ZNF577: variants seen among roughly 807,000 people sequenced by gnomAD.
The protein encoded by ZNF577 is zinc finger protein 577.
A neutral mutation model predicts 13.9 loss-of-function variants in ZNF577; 14 were observed. The ratio of observed to expected loss-of-function variants is 1.00; its 90% CI spans 0.66 to 1.57. The LOEUF is 1.57. ZNF577 is among the 40% of genes most tolerant of loss of function. The pLI, the probability that ZNF577 is intolerant of heterozygous loss-of-function variation, is 0.00. For missense variants in ZNF577, 555 were observed against 579.2 expected, an observed-to-expected ratio of 0.96 and a Z score of 0.43; for synonymous variants, 203 against 202.9, an observed-to-expected ratio of 1.00 and a Z score of 0.00.
downstream of ZNF577, among the ~76,000 whole-genome samples, chr19:51,866,248 GAC>G (rs374970376): frequency 0.012 from 1,896 of 152,160 alleles, 40 homozygotes; most frequent in African/African-American, 0.044. Flanking sequence ...TTCTGGAACT[GAC>G]ACACTTTCAG....
At chr19:51,841,445 A>G (rs187611721) in intron 8 of ZNF577, among the ~76,000 whole-genome samples, 27 of 152,324 alleles carry the variant, frequency 1.8e-4, no homozygotes, top group Admixed American at 9.8e-4. Flanking sequence ...ATGGCCAGAA[A>G]ACAGAGAAAA....
chr19:51,810,427 C>CATG (rs1413069667), intron 10 of ZNF577, among the ~76,000 whole-genome samples: 1 of 152,160 alleles, frequency 6.6e-6, no homozygotes, highest in Non-Finnish European at 1.5e-5. Flanking sequence ...GTGACCCTTG[C>CATG]ATATGTAAAA....
At position 51,873,190 on chromosome 19, in the gene ZNF577, T is replaced by C. The variant is rs201858250; in HGVS notation, c.800A>G (p.Glu267Gly). ...ACACACACTGCACCCATAGAGTTTC[T>C]CTCCAGTATGTGATCGCTGATGTCT... ...LNRHQRSHTGEKLYGCSVCGK... is the reference protein window; with the variant it reads ...LNRHQRSHTGGKLYGCSVCGK... Residue 267 changes from glutamate to glycine, a missense_variant, in exon 6 of 6, where the codon GAG becomes GGG. Glu to Gly is a moderately conservative substitution (Grantham distance 98, BLOSUM62 -2). Transcript: ENST00000638348. 1.3e-5 allele frequency: 21 copies of C among 1,614,072 alleles called. No homozygotes were observed. In the Admixed American group the frequency reaches 3.2e-4, roughly 24 times the overall value.
At chr19:51,848,276 CT>C (rs2084364064) in intron 5 of ZNF577, among the ~76,000 whole-genome samples, 1 of 152,154 alleles carries the variant, frequency 6.6e-6, no homozygotes, top group Admixed American at 6.5e-5. Context: ...CTGCCTCGTT[CT>C]TCTAAACCAC....
rs546946932 is a variant in ZNF577 at position 51,821,621 on chromosome 19, G to GA, written c.*600-9948dup. ...GAAGGAAGAGAGAAAGGGAAAGGAG[G>GA]AAAAAACCATGATACTAGGGTATGA... On this transcript the variant is annotated intron_variant and NMD_transcript_variant, in intron 9 of 10. Transcript: ENST00000638827. 1.6e-4 allele frequency among the ~76,000 whole-genome samples: 25 copies of GA among 152,066 alleles called. No individual in the cohort carries two copies. In the East Asian group the frequency reaches 4.6e-3, roughly 28 times the overall value.
intron 9 of ZNF577, among the ~76,000 whole-genome samples, chr19:51,815,780 G>A (rs1302831956): frequency 2.0e-5 from 3 of 151,112 alleles, no homozygotes; most frequent in Non-Finnish European, 4.4e-5. Context: ...AGAATCCCTT[G>A]AGCCCAGGGA....
chr19:51,821,503 T>C (rs2084189382), intron 9 of ZNF577, among the ~76,000 whole-genome samples: 1 of 152,118 alleles, frequency 6.6e-6, no homozygotes, highest in African/African-American at 2.4e-5. Flanking sequence ...GCCCCAATTG[T>C]CTGTAGTGCC....
chr19:51,885,721 A>G (rs1043545911), intron 1 of ZNF577, among the ~76,000 whole-genome samples: 2 of 152,084 alleles, frequency 1.3e-5, no homozygotes, highest in South Asian at 4.1e-4. Context: ...TGTTGGCCAG[A>G]TGTCTCGAAC....
intron 5 of ZNF577, among the ~76,000 whole-genome samples, chr19:51,875,805 A>C (rs909588768): frequency 3.9e-5 from 6 of 152,240 alleles, no homozygotes; most frequent in African/African-American, 1.4e-4. Flanking sequence ...GAAAAAGAGA[A>C]GTCAGTCAAA....
At chr19:51,844,470 T>C (rs1428887490) in intron 6 of ZNF577, among the ~76,000 whole-genome samples, 2 of 152,208 alleles carry the variant, frequency 1.3e-5, no homozygotes, top group Admixed American at 6.5e-5. Flanking sequence ...TCTTGTAACT[T>C]TTAAAAATTC....
At chr19:51,827,227 C>A (rs943363455) in intron 9 of ZNF577, among the ~76,000 whole-genome samples, 2 of 152,172 alleles carry the variant, frequency 1.3e-5, no homozygotes, top group African/African-American at 4.8e-5. Context: ...AAACTAAATT[C>A]TTCCCCAGTT....
At position 51,870,067 on chromosome 19, in the gene ZNF577, T is replaced by C. The variant is rs144011863; in HGVS notation, c.*2465A>G. Among the ~76,000 whole-genome samples the C allele has an allele frequency of 9.7e-3, 1,481 of 152,332 alleles. 13 individuals are homozygous for C. Among genetic ancestry groups the C allele is most frequent in the Middle Eastern group, 0.024 (7 of 294 alleles). ...GGGAGGATTAACATCCTAGGGGCAT[T>C]GGGTCCAGTGCGTAGACTGAGCTTC... On this transcript the variant is annotated 3_prime_UTR_variant, in exon 6 of 6. Transcript: ENST00000638348.
intron 3 of ZNF577, among the ~76,000 whole-genome samples, chr19:51,879,050 G>A (rs1173648267): frequency 3.9e-5 from 6 of 152,056 alleles, no homozygotes; most frequent in African/African-American, 1.2e-4. Flanking sequence ...AAAGTCGGGA[G>A]ATTAAGACTA....
rs768421805 is a variant in ZNF577, at chr19:51,873,232, C to T, written c.758G>A (p.Arg253Gln). Residue 253 changes from arginine (R) to glutamine (Q), a missense_variant, in exon 6 of 6, where the codon CGG (arginine) becomes CAG (glutamine). Coordinates refer to ENST00000638348, the MANE Select transcript of ZNF577 (RefSeq NM_001370449.1). ...RCSKCGKAFS[R>Q]KCRLNRHQRS... is the part of the protein sequence containing the mutation. ...CTGATGTCTATTGAGCCGGCACTTC[C>T]GGCTGAAGGCTTTTCCGCATTTGCT... is the stretch of plus-strand genomic sequence containing the variant. 1.4e-5 allele frequency: 23 copies of T among 1,613,766 alleles called. No homozygotes were observed. The Admixed American group carries it at 2.0e-4, about 14-fold the overall frequency.
At chr19:51,812,300 G>A (rs2084102817) in intron 9 of ZNF577, among the ~76,000 whole-genome samples, 1 of 152,088 alleles carries the variant, frequency 6.6e-6, no homozygotes, top group Non-Finnish European at 1.5e-5. Context: ...TAATAAAAGG[G>A]TGACTATCCA....
chr19:51,855,986 A>G (rs2122578440), intron 5 of ZNF577: 1 of 152,304 alleles, frequency 6.6e-6, no homozygotes, highest in South Asian at 2.1e-4. Flanking sequence ...AGGGATATAG[A>G]AGTAGGCCAA....
intron 10 of ZNF577, among the ~76,000 whole-genome samples, chr19:51,810,383 T>G (rs959828806): frequency 5.3e-5 from 8 of 152,210 alleles, no homozygotes; most frequent in Non-Finnish European, 1.2e-4. Flanking sequence ...CACTGCCTCT[T>G]GTGATCTTGT....
At chr19:51,857,871 G>A (rs866036381) in intron 5 of ZNF577, among the ~76,000 whole-genome samples, 6 of 152,014 alleles carry the variant, frequency 3.9e-5, no homozygotes, top group Non-Finnish European at 5.9e-5. Flanking sequence ...ATGGAGTCTC[G>A]TTACGTTGCC....
intron 5 of ZNF577, among the ~76,000 whole-genome samples, chr19:51,857,893 C>T (rs2122590081): frequency 6.6e-6 from 1 of 152,212 alleles, no homozygotes; most frequent in South Asian, 2.1e-4. Context: ...AGGCTGGTCT[C>T]AAACTCCTGG....
Sources: allele counts gnomAD v4.1 joint callset (sites outside exome capture counted in the v4.1 genomes callset), GRCh38; gene constraint gnomAD v4.1.1; transcripts MANE v1.5; gene names NCBI Gene and HGNC (gene_info 2026-07-23, HGNC 2026-07-21).